CSNK1G2: variants seen among roughly 807,000 people sequenced by gnomAD.
CSNK1G2 encodes the protein casein kinase I isoform gamma-2.
Under a neutral mutation model 48.0 loss-of-function variants are expected in CSNK1G2, and 11 were observed. The ratio of observed to expected loss-of-function variants is 0.23; its 90% CI spans 0.14 to 0.38. CSNK1G2 has a LOEUF of 0.38. Ranked by LOEUF, CSNK1G2 falls within the 10% of genes least tolerant of loss-of-function variation. The probability of loss-of-function intolerance (pLI) is 1.00; values close to 1 mark genes in which losing one functional copy is unlikely to be tolerated. For missense variants in CSNK1G2, 446 were observed against 595.5 expected (o/e 0.75, Z 2.61); for synonymous variants, 337 against 254.1 (o/e 1.33, Z -3.10).
At chr19:1,973,564 C>T (rs760765278) in intron 2 of CSNK1G2, among the ~76,000 whole-genome samples, 50 of 152,346 alleles carry the variant, frequency 3.3e-4, no homozygotes, top group Admixed American at 5.9e-4. Context: ...TTGGCCCTGT[C>T]CCCAGGTCCC....
chr19:1,950,695 C>T (rs749475766), intron 1 of CSNK1G2, among the ~76,000 whole-genome samples: 12 of 145,610 alleles, frequency 8.2e-5, no homozygotes, highest in Non-Finnish European at 1.5e-4. Context: ...TGCCGCCCAC[C>T]GAACACCAAG....
At chr19:1,967,699 C>G (rs1028066109) in intron 1 of CSNK1G2, among the ~76,000 whole-genome samples, 2,230 of 91,888 alleles carry the variant, frequency 0.024, 204 homozygotes, top group East Asian at 0.073. Context: ...AGGCTGCCCC[C>G]ACCACCCTTC....
At chr19:1,966,806 G>A (rs191398367) in intron 1 of CSNK1G2, among the ~76,000 whole-genome samples, 247 of 152,228 alleles carry the variant, frequency 1.6e-3, no homozygotes, top group Non-Finnish European at 3.0e-3. Flanking sequence ...ACCCTTCTCC[G>A]GGGAGATTAG....
chr19:1,978,847 G>GA lies in CSNK1G2; in HGVS notation c.448-12_448-11insA, dbSNP rs2015861244. The GA allele has an allele frequency of 6.3e-7, 1 of 1,597,766 alleles. No homozygotes were observed. ...GGAGGGGCCCGGCCGACACCGCCGTGCCCCCCTGCAGATCACGCGCATGGA... is the reference window on the plus strand; with the variant it reads ...GGAGGGGCCCGGCCGACACCGCCGTGACCCCCCTGCAGATCACGCGCATGGA... On this transcript the variant is annotated splice_polypyrimidine_tract_variant and intron_variant, in intron 5 of 11. Coordinates refer to ENST00000255641, the MANE Select transcript of CSNK1G2 (RefSeq NM_001319.7). The surrounding 1 kb of genome is among the most constrained non-coding windows in gnomAD (Gnocchi z 7.3).
intron 1 of CSNK1G2, among the ~76,000 whole-genome samples, chr19:1,964,002 A>G (rs1458237267): frequency 8.1e-5 from 12 of 147,776 alleles, no homozygotes; most frequent in East Asian, 6.1e-4. Context: ...TTTTTAGTAG[A>G]GACAGGGTTT....
chr19:1,961,144 C>T (rs58895717), intron 1 of CSNK1G2, among the ~76,000 whole-genome samples: 5,617 of 152,350 alleles, frequency 0.037, 348 homozygotes, highest in African/African-American at 0.13. Context: ...GACGGATGGA[C>T]GGGCTGTGAC....
intron 1 of CSNK1G2, among the ~76,000 whole-genome samples, chr19:1,952,162 C>G (rs1049921958): frequency 4.6e-5 from 7 of 152,332 alleles, no homozygotes; most frequent in South Asian, 2.1e-4. Flanking sequence ...ATGGTCACTG[C>G]AGGACAGCAA....
At chr19:1,973,836 C>T (rs1169085161) in intron 2 of CSNK1G2, among the ~76,000 whole-genome samples, 2 of 152,030 alleles carry the variant, frequency 1.3e-5, no homozygotes, top group African/African-American at 4.8e-5. Context: ...TTTCTTAGTC[C>T]ATTTTGTGCT....
At chr19:1,962,310 G>A (rs796608436) in intron 1 of CSNK1G2, among the ~76,000 whole-genome samples, 10 of 151,664 alleles carry the variant, frequency 6.6e-5, no homozygotes, top group African/African-American at 2.4e-4. Context: ...CAGCCTGGGC[G>A]AAAGAGTGAG....
chr19:1,954,915 G>A (rs566187702), intron 1 of CSNK1G2, among the ~76,000 whole-genome samples: 2 of 152,198 alleles, frequency 1.3e-5, no homozygotes, highest in East Asian at 1.9e-4. Flanking sequence ...GCGTCCCTTC[G>A]TCCCTCCCTG....
At chr19:1,954,017 G>T in intron 1 of CSNK1G2, 1 of 532,766 alleles carries the variant, frequency 1.9e-6, no homozygotes. Context: ...GCAGTGCTCC[G>T]AGGACCGGCC....
intron 2 of CSNK1G2, among the ~76,000 whole-genome samples, chr19:1,970,702 T>G (rs901551150): frequency 6.6e-6 from 1 of 152,230 alleles, no homozygotes; most frequent in South Asian, 2.1e-4. Flanking sequence ...AATTTATTGC[T>G]GGTGCTGCCG....
chr19:1,972,379 G>A (rs562544319), intron 2 of CSNK1G2, among the ~76,000 whole-genome samples: 3 of 148,658 alleles, frequency 2.0e-5, no homozygotes, highest in South Asian at 2.1e-4. Context: ...TGTGGACTCC[G>A]GTTGTTGAAT....
intron 2 of CSNK1G2, among the ~76,000 whole-genome samples, chr19:1,973,317 G>A (rs1383855045): frequency 6.6e-6 from 1 of 151,866 alleles, no homozygotes; most frequent in African/African-American, 2.4e-5. Context: ...TCCGCCTCCT[G>A]GGTTCAAGCA....
chr19:1,945,010 CG>C (rs2014502676), intron 1 of CSNK1G2, among the ~76,000 whole-genome samples: 1 of 152,256 alleles, frequency 6.6e-6, no homozygotes, highest in African/African-American at 2.4e-5. Flanking sequence ...GGACATGCCC[CG>C]GGTGGCCAGC....
rs983583021 is a variant in CSNK1G2, at chr19:1,957,303, A to G, written c.-265-12205A>G. ...GCCTTGCCCAGCCTGGAGGCCCGCA[A>G]GGATGAGAAGCAGTGTGTGCCCGGG... On this transcript the variant is annotated intron_variant, in intron 1 of 11. Coordinates refer to ENST00000255641, the MANE Select transcript of CSNK1G2 (RefSeq NM_001319.7). This position sits in a 1 kb window ranked among gnomAD's most constrained non-coding sequence, Gnocchi z 5.4. 1.3e-4 allele frequency among the ~76,000 whole-genome samples: 20 copies of G among 152,212 alleles called. No individual in the cohort carries two copies. Among genetic ancestry groups the G allele is most frequent in the Admixed American group, 3.3e-4 (5 of 15,288 alleles).
At chr19:1,950,632 C>T (rs1316180185) in intron 1 of CSNK1G2, among the ~76,000 whole-genome samples, 1 of 146,164 alleles carries the variant, frequency 6.8e-6, no homozygotes, top group Non-Finnish European at 1.5e-5. Context: ...GCCAAGGCCT[C>T]CTTCCATGTT....
At position 1,978,565 on chromosome 19, in the gene CSNK1G2, T is replaced by A. The variant is rs1290747921; in HGVS notation, c.299-37T>A. On this transcript the variant is annotated intron_variant, in intron 4 of 11. Transcript: ENST00000255641. This position sits in a 1 kb window ranked among gnomAD's most constrained non-coding sequence, Gnocchi z 7.3. ...GGCTGCGCAGGGGCAGGGAGGGGGC[T>A]GCCGCCGCACGCCCGTGCGTCTGTC... is the stretch of plus-strand genomic sequence containing the variant. The A allele has an allele frequency of 1.3e-6, 2 of 1,571,318 alleles. No homozygotes were observed. Among genetic ancestry groups the A allele is most frequent in the Non-Finnish European group, 1.7e-6 (2 of 1,159,168 alleles).
intron 1 of CSNK1G2, among the ~76,000 whole-genome samples, chr19:1,943,182 T>G (rs2014432034): frequency 6.6e-6 from 1 of 152,214 alleles, no homozygotes; most frequent in African/African-American, 2.4e-5. Flanking sequence ...TCTGTTCCCT[T>G]CACCCCGGTG....
Sources: gnomAD v4.1 joint callset for allele counts (sites outside exome capture counted in the v4.1 genomes callset) on GRCh38, gnomAD v4.1.1 for gene constraint, Gnocchi (gnomAD v3.1) non-coding constraint, MANE v1.5 for transcripts, NCBI Gene and HGNC (gene_info 2026-07-23, HGNC 2026-07-21) for gene names.